The following CCDC73 variants were observed in gnomAD, a reference collection of about 807,000 sequenced individuals.
CCDC73 encodes coiled-coil domain-containing protein 73.
In CCDC73, 95 loss-of-function variants were observed where a neutral mutation model predicts 116.5. The observed-to-expected ratio is 0.82, with a 90% CI of 0.69 to 0.97. CCDC73 has a LOEUF of 0.97. Among genes scored for constraint, CCDC73 ranks in the 50% least tolerant of loss-of-function variants. The probability of loss-of-function intolerance (pLI) is 0.00; values close to 1 mark genes in which losing one functional copy is unlikely to be tolerated. For missense variants in CCDC73, 1,066 were observed against 1,206.8 expected, an observed-to-expected ratio of 0.88 and a Z score of 1.73; for synonymous variants, 398 against 401.3, an observed-to-expected ratio of 0.99 and a Z score of 0.10.
chr11:32,708,911 T>A (rs192725753), intron 3 of CCDC73, among the ~76,000 whole-genome samples: 5 of 152,236 alleles, frequency 3.3e-5, no homozygotes, highest in Non-Finnish European at 7.4e-5. Flanking sequence ...CTTTCTTTTG[T>A]CTGATTGCTC....
chr11:32,718,037 G>T (rs1052699987), intron 3 of CCDC73, 39 bp downstream of exon 3: 1 of 1,393,378 alleles, frequency 7.2e-7, no homozygotes, highest in South Asian at 1.2e-5. Flanking sequence ...TTCAAGATGA[G>T]ATTTGGCTGG....
chr11:32,730,694 G>A (rs973359704), intron 2 of CCDC73, among the ~76,000 whole-genome samples: 9 of 152,108 alleles, frequency 5.9e-5, no homozygotes, highest in African/African-American at 2.2e-4. Context: ...TGGGTGGTAG[G>A]TTTAATCCAT....
chr11:32,757,134 AC>A lies in CCDC73; in HGVS notation c.135+2974del, dbSNP rs1253872343. ...TGATAAAAACGAACTGACTACAAACACACACAACAAGAATAAATCTCAAAAA... is the reference window on the plus strand; with the variant it reads ...TGATAAAAACGAACTGACTACAAACAACACAACAAGAATAAATCTCAAAAA... On this transcript the variant is annotated intron_variant, in intron 2 of 17. Coordinates refer to ENST00000335185, the MANE Select transcript of CCDC73 (RefSeq NM_001008391.4). Among the ~76,000 whole-genome samples the A allele has an allele frequency of 2.6e-5, 4 of 152,232 alleles. No individual in the cohort carries two copies. The East Asian group carries it at 7.7e-4, about 29-fold the overall frequency.
chr11:32,705,530 C>T (rs1849848789), intron 3 of CCDC73, among the ~76,000 whole-genome samples: 1 of 152,186 alleles, frequency 6.6e-6, no homozygotes, highest in African/African-American at 2.4e-5. Flanking sequence ...CGCTCACTCG[C>T]TCACACACCC....
chr11:32,773,384 A>C (rs1300325451), intron 1 of CCDC73, among the ~76,000 whole-genome samples: 3 of 152,164 alleles, frequency 2.0e-5, no homozygotes, highest in Non-Finnish European at 2.9e-5. Context: ...CTGTGAATAT[A>C]CCAAAAATTA....
intron 2 of CCDC73, among the ~76,000 whole-genome samples, chr11:32,728,325 T>G (rs977629760): frequency 6.6e-6 from 1 of 152,214 alleles, no homozygotes; most frequent in Non-Finnish European, 1.5e-5. Flanking sequence ...TTTATTAATA[T>G]TAATAGGAGA....
At chr11:32,781,966 A>T (rs1317499935) in intron 1 of CCDC73, among the ~76,000 whole-genome samples, 1 of 151,920 alleles carries the variant, frequency 6.6e-6, no homozygotes, top group Non-Finnish European at 1.5e-5. Context: ...ATTTACAGCC[A>T]CTCCCCATTG....
intron 6 of CCDC73, among the ~76,000 whole-genome samples, chr11:32,697,843 G>A (rs191162978): frequency 6.6e-6 from 1 of 151,436 alleles, no homozygotes; most frequent in African/African-American, 2.4e-5. Flanking sequence ...ACATATGCAG[G>A]TCTGTTATAT....
intron 6 of CCDC73, among the ~76,000 whole-genome samples, chr11:32,694,225 T>A (rs1856288735): frequency 6.6e-6 from 1 of 152,166 alleles, no homozygotes; most frequent in Non-Finnish European, 1.5e-5. Flanking sequence ...AGTCTCAGGA[T>A]ACAAAATCAA....
intron 17 of CCDC73, 159 bp from the exon 18 acceptor site, chr11:32,603,179 A>C: frequency 1.7e-6 from 1 of 590,646 alleles, no homozygotes; most frequent in Non-Finnish European, 2.9e-6. Flanking sequence ...ATACAATGTG[A>C]ATGTGTAGGC....
At chr11:32,654,129 C>T in intron 10 of CCDC73, 92 bp from the exon 11 acceptor site, 5 of 1,110,878 alleles carry the variant, frequency 4.5e-6, no homozygotes, top group Non-Finnish European at 5.0e-6. Flanking sequence ...AGTGTTATGA[C>T]CTATTCCTAC....
intron 14 of CCDC73, among the ~76,000 whole-genome samples, chr11:32,624,895 G>A (rs953911074): frequency 1.3e-5 from 2 of 152,204 alleles, no homozygotes; most frequent in East Asian, 1.9e-4. Flanking sequence ...CATGGATGAA[G>A]GTGGAAACCA....
In CCDC73 at chr11:32,616,056, T is replaced by C. The variant is rs762715885; in HGVS notation, c.1259A>G (p.Tyr420Cys). 3 of 1,602,560 alleles carry C rather than the reference T, an allele frequency of 1.9e-6. No individual in the cohort carries two copies. Among genetic ancestry groups the C allele is most frequent in the Non-Finnish European group, 1.7e-6 (2 of 1,175,246 alleles). ...TTCCCTTATTTCTTGCTCAGTATTA[T>C]ATTTCTGTATAATGGTGTTTTCTGA... ...EKSENTIIQKYNTEQEIREEN... is the reference protein window; with the variant it reads ...EKSENTIIQKCNTEQEIREEN... Residue 420 changes from tyrosine to cysteine, a missense_variant, in exon 15 of 18, where the codon TAT becomes TGT. Tyr to Cys is a radical substitution (Grantham distance 194, BLOSUM62 -2). Coordinates refer to ENST00000335185, the MANE Select transcript of CCDC73 (RefSeq NM_001008391.4).
chr11:32,742,631 C>CT (rs1368046785), intron 2 of CCDC73, among the ~76,000 whole-genome samples: 51 of 152,128 alleles, frequency 3.4e-4, no homozygotes, highest in Non-Finnish European at 1.5e-5. Context: ...ATGATACTTT[C>CT]TTTGCTGTGC....
chr11:32,680,656 A>G lies in CCDC73; in HGVS notation c.429+2880T>C, dbSNP rs1856135301. ...TTACTGATAAAATGCACAGCTTCAC[A>G]TTTCTCCCTTTTCCTATTTACTTAA... On this transcript the variant is annotated intron_variant, in intron 7 of 17. Coordinates refer to ENST00000335185, the MANE Select transcript of CCDC73 (RefSeq NM_001008391.4). 4 of 152,086 alleles carry G rather than the reference A, an allele frequency of 2.6e-5. No individual in the cohort carries two copies. In the South Asian group the frequency reaches 8.3e-4, roughly 31 times the overall value. 9.4% of individuals were successfully genotyped at this position (152,086 alleles called of 1,614,324 possible).
intron 1 of CCDC73, among the ~76,000 whole-genome samples, chr11:32,776,695 G>A (rs1850534632): frequency 6.6e-6 from 1 of 151,576 alleles, no homozygotes; most frequent in Non-Finnish European, 1.5e-5. Context: ...AGTTTAACAA[G>A]AATTCTCCAA....
At chr11:32,671,942 C>T (rs984657391) in intron 9 of CCDC73, among the ~76,000 whole-genome samples, 13 of 152,278 alleles carry the variant, frequency 8.5e-5, no homozygotes, top group Admixed American at 2.0e-4. Flanking sequence ...ATTCTTCTCA[C>T]GCATAGAAAG....
chr11:32,668,062 A>T (rs1161188702), intron 9 of CCDC73, among the ~76,000 whole-genome samples: 1 of 152,200 alleles, frequency 6.6e-6, no homozygotes, highest in Non-Finnish European at 1.5e-5. Flanking sequence ...ATAAATAAAA[A>T]GTCCCTGGCA....
intron 1 of CCDC73, among the ~76,000 whole-genome samples, chr11:32,784,830 C>T (rs1008064671): frequency 2.0e-4 from 30 of 152,134 alleles, no homozygotes; most frequent in Admixed American, 8.5e-4. Context: ...TAAGTTGGTA[C>T]AGAACCCTTA....
Sources: allele counts gnomAD v4.1 joint callset (sites outside exome capture counted in the v4.1 genomes callset), GRCh38; gene constraint gnomAD v4.1.1; transcripts MANE v1.5; gene names NCBI Gene and HGNC (gene_info 2026-07-23, HGNC 2026-07-21).